Variants in SLC39A10 observed in about 807,000 individuals in gnomAD.
The protein encoded by SLC39A10 is solute carrier family 39 member 10, also known as zinc transporter ZIP10.
In SLC39A10, 13 loss-of-function variants were observed where a neutral mutation model predicts 65.1. The observed-to-expected ratio is 0.20, with a 90% CI of 0.13 to 0.32. The LOEUF (loss-of-function observed/expected upper bound fraction) is 0.32. Among genes scored for constraint, SLC39A10 ranks in the 10% least tolerant of loss-of-function variants. The pLI, the probability that SLC39A10 is intolerant of heterozygous loss-of-function variation, is 1.00. For synonymous variants in SLC39A10, 321 were observed against 342.2 expected (o/e 0.94, Z 0.68); for missense variants, 831 against 1,018.4 (o/e 0.82, Z 2.50).
chr2:195,634,826 T>C (rs1002126376), intron 2 of SLC39A10, among the ~76,000 whole-genome samples: 5 of 152,120 alleles, frequency 3.3e-5, no homozygotes, highest in African/African-American at 4.8e-5. Flanking sequence ...GGTGGGTGGA[T>C]CACTTGAAGT....
At chr2:195,690,607 T>A (rs1690702301) in intron 3 of SLC39A10, among the ~76,000 whole-genome samples, 1 of 152,182 alleles carries the variant, frequency 6.6e-6, no homozygotes, top group Non-Finnish European at 1.5e-5. Context: ...TGATTTGAAT[T>A]TTCCTAAAGA....
chr2:195,633,281 G>A (rs746493924), intron 2 of SLC39A10, among the ~76,000 whole-genome samples: 1 of 152,236 alleles, frequency 6.6e-6, no homozygotes, highest in African/African-American at 2.4e-5. Context: ...GTTGCATTGC[G>A]CTCAACCCCT....
At position 195,708,820 on chromosome 2, in the gene SLC39A10, G is replaced by A. The variant is rs780243626; in HGVS notation, c.1551G>A (p.Met517Ile). ...LLFIIEHCIR[M>I]FKHYKQQRGK... ...TTATCATTGAACACTGCATTAGAATGTTTAAGCACTACAAACAACAAAGAG... is the reference window on the plus strand; with the variant it reads ...TTATCATTGAACACTGCATTAGAATATTTAAGCACTACAAACAACAAAGAG... Residue 517 changes from methionine to isoleucine, a missense_variant, in exon 5 of 10, where the codon ATG becomes ATA. Around this residue, in one of 4 missense-constraint regions of SLC39A10, gnomAD observed 230 missense variants for 242.9 expected, o/e 0.95. Coordinates refer to ENST00000359634, the MANE Select transcript of SLC39A10 (RefSeq NM_020342.3). 6.2e-7 allele frequency: 1 copy of A among 1,608,714 alleles called. No homozygotes were observed. Among genetic ancestry groups the A allele is most frequent in the Non-Finnish European group, 8.5e-7 (1 of 1,178,260 alleles).
At chr2:195,642,103 G>A (rs932825158) in intron 2 of SLC39A10, among the ~76,000 whole-genome samples, 13 of 152,106 alleles carry the variant, frequency 8.5e-5, no homozygotes, top group Non-Finnish European at 1.9e-4. Context: ...CGAGGGTTAT[G>A]GGAAGCTGTG....
intron 2 of SLC39A10, among the ~76,000 whole-genome samples, chr2:195,651,160 C>T (rs1363979680): frequency 6.6e-6 from 1 of 151,832 alleles, no homozygotes; most frequent in African/African-American, 2.4e-5. Context: ...TCTAAAGGCC[C>T]ATTTATCCTA....
chr2:195,696,323 A>G (rs1450748090), intron 3 of SLC39A10, among the ~76,000 whole-genome samples: 1 of 49,070 alleles, frequency 2.0e-5, no homozygotes, highest in African/African-American at 4.7e-5. Flanking sequence ...ATTTCTGAAA[A>G]AAAAAAAAAA....
chr2:195,735,223 C>A lies in SLC39A10; in HGVS notation c.*182C>A. On this transcript the variant is annotated 3_prime_UTR_variant, in exon 10 of 10. Transcript: ENST00000359634. ...TACTGTTTTCCCTGCACGTAGGGGT[C>A]TTTTAAAAATATAAAGCTTGTGATA... 2.2e-6 allele frequency: 1 copy of A among 460,708 alleles called. No individual in the cohort carries two copies. The allele number at this position is 460,708 out of a possible 1,614,324, so 28.5% of individuals were successfully genotyped here. A position where few individuals can be genotyped will look rare whatever the true frequency, so the allele number is the denominator to read the frequency against.
At chr2:195,692,208 C>G (rs1690772281) in intron 3 of SLC39A10, among the ~76,000 whole-genome samples, 1 of 152,094 alleles carries the variant, frequency 6.6e-6, no homozygotes, top group African/African-American at 2.4e-5. Context: ...GTCTATGTGC[C>G]TATTTTTATA....
intron 2 of SLC39A10, among the ~76,000 whole-genome samples, chr2:195,636,567 C>T (rs1043692810): frequency 7.9e-5 from 12 of 151,918 alleles, no homozygotes; most frequent in Admixed American, 3.3e-4. Flanking sequence ...CTGGCTAACA[C>T]GGTGAAACCC....
chr2:195,682,592 G>C (rs917415940), intron 2 of SLC39A10, among the ~76,000 whole-genome samples: 1 of 151,906 alleles, frequency 6.6e-6, no homozygotes, highest in East Asian at 1.9e-4. Flanking sequence ...TATGACTTAG[G>C]ATAATTAATT....
At chr2:195,657,049 G>C, upstream of SLC39A10, 1 of 152,302 alleles carries the variant, frequency 6.6e-6, no homozygotes. Context: ...GGCGTTATCC[G>C]AAGTGAATAG....
intron 2 of SLC39A10, among the ~76,000 whole-genome samples, chr2:195,641,165 T>C (rs1688805172): frequency 6.6e-6 from 1 of 152,178 alleles, no homozygotes; most frequent in African/African-American, 2.4e-5. Context: ...TGGTGGAAGA[T>C]ACATGTGTAA....
At chr2:195,672,543 C>T (rs1208413156) in intron 1 of SLC39A10, among the ~76,000 whole-genome samples, 1 of 152,196 alleles carries the variant, frequency 6.6e-6, no homozygotes, top group Non-Finnish European at 1.5e-5. Flanking sequence ...AGTATTACCT[C>T]ATAACGTTGC....
At chr2:195,677,419 A>G (rs997305443) in intron 1 of SLC39A10, among the ~76,000 whole-genome samples, 1 of 152,162 alleles carries the variant, frequency 6.6e-6, no homozygotes, top group Non-Finnish European at 1.5e-5. Context: ...TGGCACACAC[A>G]GCTACTTGGA....
At chr2:195,622,977 A>AAC (rs1473497324) in intron 2 of SLC39A10, among the ~76,000 whole-genome samples, 1 of 105,418 alleles carries the variant, frequency 9.5e-6, no homozygotes, top group Non-Finnish European at 2.1e-5. Flanking sequence ...TGTCTCAAAA[A>AAC]AAAAAAAAAA....
chr2:195,720,342 T>C (rs1691985133), intron 8 of SLC39A10, among the ~76,000 whole-genome samples: 1 of 152,254 alleles, frequency 6.6e-6, no homozygotes, highest in Admixed American at 6.5e-5. Context: ...ACTTTGGTTT[T>C]CTTCTTTTAT....
At chr2:195,708,223 A>G (rs1691477529) in intron 4 of SLC39A10, among the ~76,000 whole-genome samples, 1 of 152,184 alleles carries the variant, frequency 6.6e-6, no homozygotes, top group Non-Finnish European at 1.5e-5. Flanking sequence ...AAAAGAAAAA[A>G]TATATGATAA....
At position 195,680,125 on chromosome 2, in the gene SLC39A10, A is replaced by T. The variant is rs1310834709; in HGVS notation, c.83A>T (p.Glu28Val). 1 of 1,613,744 alleles carries T rather than the reference A, an allele frequency of 6.2e-7. No individual in the cohort carries two copies. Among genetic ancestry groups the T allele is most frequent in the Admixed American group, 1.7e-5 (1 of 59,936 alleles). Residue 28 changes from glutamate (E) to valine (V), a missense_variant, in exon 2 of 10, where the codon GAA becomes GTA. Coordinates refer to ENST00000359634, the MANE Select transcript of SLC39A10 (RefSeq NM_020342.3). ...IFHHCNHCHE[E>V]HDHGPEALHR... ...CATCATTGCAACCATTGCCATGAAG[A>T]ACATGACCATGGCCCTGAAGCGCTT...
chr2:195,666,040 A>T (rs1297143169), intron 1 of SLC39A10, among the ~76,000 whole-genome samples: 1 of 152,092 alleles, frequency 6.6e-6, no homozygotes, highest in Non-Finnish European at 1.5e-5. Context: ...AATTAGCTTG[A>T]TTTTTTTGTC....
Sources: gnomAD v4.1 joint callset for allele counts (sites outside exome capture counted in the v4.1 genomes callset) on GRCh38, gnomAD v4.1.1 for gene constraint, gnomAD v4.1.1 regional missense constraint, MANE v1.5 for transcripts, NCBI Gene and HGNC (gene_info 2026-07-23, HGNC 2026-07-21) for gene names.